KCTD8: variants seen among roughly 807,000 people sequenced by gnomAD.
KCTD8 encodes the protein potassium channel tetramerization domain containing 8, also known as BTB/POZ domain-containing protein KCTD8.
KCTD8 carries 27 observed loss-of-function variants against 31.5 expected under a neutral mutation model. That is an observed-to-expected ratio of 0.86 (90% CI 0.63 to 1.18). The LOEUF (loss-of-function observed/expected upper bound fraction) is 1.18, where lower values mean the gene tolerates loss of function less well. Among genes scored for constraint, KCTD8 ranks in the 50% most tolerant of loss-of-function variants. The pLI, the probability that KCTD8 is intolerant of heterozygous loss-of-function variation, is 0.00. For missense variants in KCTD8, 658 were observed against 647.7 expected (o/e 1.02, Z -0.17); for synonymous variants, 290 against 280.0 (o/e 1.04, Z -0.36).
intron 1 of KCTD8, among the ~76,000 whole-genome samples, chr4:44,444,134 T>C (rs1474770221): frequency 6.6e-6 from 1 of 152,156 alleles, no homozygotes; most frequent in Non-Finnish European, 1.5e-5. Context: ...TAATAGCCTG[T>C]ATATAACCTT....
intron 1 of KCTD8, among the ~76,000 whole-genome samples, chr4:44,181,555 T>G (rs1713404938): frequency 6.6e-6 from 1 of 152,202 alleles, no homozygotes; most frequent in African/African-American, 2.4e-5. Flanking sequence ...GTGCTCAATG[T>G]TGCCCAGGCT....
chr4:44,448,558 G>A lies in KCTD8; in HGVS notation c.-35C>T. 7.0e-7 allele frequency: 1 copy of A among 1,422,092 alleles called. No individual in the cohort carries two copies. The highest frequency in any genetic ancestry group is 9.2e-7 in the Non-Finnish European group (1 of 1,092,222). The allele number at this position is 1,422,092 out of a possible 1,614,324, so 88.1% of individuals were successfully genotyped here. On this transcript the variant is annotated 5_prime_UTR_variant, in exon 1 of 2. Transcript: ENST00000360029. The surrounding 1 kb of genome is among the most constrained non-coding windows in gnomAD (Gnocchi z 4.1). ...GCCGCCGGCCCAGTGACCCGAGAGA[G>A]CTGCACTTTCTCGTTCCCGGAGCCC... is the stretch of plus-strand genomic sequence containing the variant.
chr4:44,428,158 T>C (rs1381545645), intron 1 of KCTD8, among the ~76,000 whole-genome samples: 2 of 151,784 alleles, frequency 1.3e-5, no homozygotes, highest in African/African-American at 4.8e-5. Flanking sequence ...TTTTTTTTAA[T>C]ATAAATACAA....
At chr4:44,221,248 A>G (rs544820410) in intron 1 of KCTD8, among the ~76,000 whole-genome samples, 1 of 152,092 alleles carries the variant, frequency 6.6e-6, no homozygotes, top group African/African-American at 2.4e-5. Flanking sequence ...ATGGTGGAAC[A>G]TTGCAGGAGG....
chr4:44,355,810 C>T lies in KCTD8; in HGVS notation c.961+91753G>A, dbSNP rs112214381. Among the ~76,000 whole-genome samples the T allele has an allele frequency of 7.5e-3, 1,139 of 152,126 alleles. 14 individuals carry two copies. The highest frequency in any genetic ancestry group is 0.026 in the African/African-American group (1,069 of 41,520). On this transcript the variant is annotated intron_variant, in intron 1 of 1. Transcript: ENST00000360029. ...CAGTTCTTCATTTTATAATATCAAA[C>T]GCAAATTAAGAATGTGGATTATTTG...
At chr4:44,323,509 C>CA (rs1178304515) in intron 1 of KCTD8, among the ~76,000 whole-genome samples, 43 of 136,790 alleles carry the variant, frequency 3.1e-4, no homozygotes, top group South Asian at 8.0e-4. Context: ...CACCCCCCCC[C>CA]AAAAAAAATT....
intron 1 of KCTD8, among the ~76,000 whole-genome samples, chr4:44,371,154 T>G (rs11731555): frequency 0.81 from 123,525 of 151,920 alleles, 50,430 homozygotes; most frequent in South Asian, 0.87. Flanking sequence ...TTCAAGCAGA[T>G]AAGGTGATTT....
chr4:44,327,806 T>A (rs1718487634), intron 1 of KCTD8, among the ~76,000 whole-genome samples: 1 of 151,752 alleles, frequency 6.6e-6, no homozygotes, highest in African/African-American at 2.4e-5. Flanking sequence ...ATGAAGTAGA[T>A]CCTAACTCAT....
chr4:44,246,389 CT>C (rs930933762), intron 1 of KCTD8, among the ~76,000 whole-genome samples: 21 of 152,044 alleles, frequency 1.4e-4, no homozygotes, highest in Non-Finnish European at 2.5e-4. Flanking sequence ...CCTATTAGTC[CT>C]TTTATGTACG....
At chr4:44,313,336 C>T (rs57665249) in intron 1 of KCTD8, among the ~76,000 whole-genome samples, 4,488 of 152,202 alleles carry the variant, frequency 0.029, 238 homozygotes, top group African/African-American at 0.1. Context: ...TACAGCAGGT[C>T]GTAGTGAAGA....
intron 1 of KCTD8, among the ~76,000 whole-genome samples, chr4:44,381,910 A>G (rs1720075794): frequency 6.6e-6 from 1 of 151,552 alleles, no homozygotes; most frequent in South Asian, 2.1e-4. Flanking sequence ...AATTAAACCT[A>G]TTTTCTTTAA....
At chr4:44,238,202 T>C (rs980908932) in intron 1 of KCTD8, among the ~76,000 whole-genome samples, 9 of 152,122 alleles carry the variant, frequency 5.9e-5, no homozygotes, top group African/African-American at 1.4e-4. Flanking sequence ...CTCCCCGCCC[T>C]ACACTAGTCA....
chr4:44,405,495 G>C (rs532785769), intron 1 of KCTD8, among the ~76,000 whole-genome samples: 2 of 152,036 alleles, frequency 1.3e-5, no homozygotes, highest in Non-Finnish European at 2.9e-5. Flanking sequence ...TTGAGCTCAT[G>C]ATGAGCTCGT....
At chr4:44,184,135 A>T (rs1713510858) in intron 1 of KCTD8, among the ~76,000 whole-genome samples, 1 of 152,220 alleles carries the variant, frequency 6.6e-6, no homozygotes, top group South Asian at 2.1e-4. Context: ...TGGGGTGACA[A>T]GTGCAGATGT....
At chr4:44,285,775 T>C (rs1717047274) in intron 1 of KCTD8, among the ~76,000 whole-genome samples, 1 of 152,130 alleles carries the variant, frequency 6.6e-6, no homozygotes, top group East Asian at 1.9e-4. Context: ...AGTCTTCTTA[T>C]TTAAGAAATA....
intron 1 of KCTD8, among the ~76,000 whole-genome samples, chr4:44,177,492 T>G (rs1012920243): frequency 6.6e-6 from 1 of 152,168 alleles, no homozygotes; most frequent in Admixed American, 6.5e-5. Flanking sequence ...CTCCTACAAC[T>G]CCCACTTGTC....
At chr4:44,300,249 A>G (rs1240503378) in intron 1 of KCTD8, among the ~76,000 whole-genome samples, 1 of 152,172 alleles carries the variant, frequency 6.6e-6, no homozygotes, top group Non-Finnish European at 1.5e-5. Flanking sequence ...CACAGCTTCT[A>G]TTTCAGTTCC....
intron 1 of KCTD8, among the ~76,000 whole-genome samples, chr4:44,266,187 C>T (rs1256996685): frequency 5.3e-5 from 8 of 152,070 alleles, no homozygotes; most frequent in East Asian, 1.9e-4. Flanking sequence ...AGACTAACAG[C>T]GGATCTCTCA....
chr4:44,317,837 G>C (rs1718182647), intron 1 of KCTD8, among the ~76,000 whole-genome samples: 1 of 152,172 alleles, frequency 6.6e-6, no homozygotes, highest in Non-Finnish European at 1.5e-5. Context: ...ATACTCACTA[G>C]TAGCAGTGCC....
Sources: gnomAD v4.1 joint callset for allele counts (sites outside exome capture counted in the v4.1 genomes callset) on GRCh38, gnomAD v4.1.1 for gene constraint, Gnocchi (gnomAD v3.1) non-coding constraint, MANE v1.5 for transcripts, NCBI Gene and HGNC (gene_info 2026-07-23, HGNC 2026-07-21) for gene names.